The following RHOQ variants were observed in gnomAD, a reference collection of about 807,000 sequenced individuals.
The protein encoded by RHOQ is ras homolog family member Q, also known as rho-related GTP-binding protein RhoQ.
A neutral mutation model predicts 25.8 loss-of-function variants in RHOQ; 7 were observed. The ratio of observed to expected loss-of-function variants is 0.27; its 90% CI spans 0.15 to 0.51. The LOEUF is 0.51. Among genes scored for constraint, RHOQ ranks in the 20% least tolerant of loss-of-function variants. RHOQ has a pLI of 0.97. For missense variants in RHOQ, 165 were observed against 260.6 expected, an observed-to-expected ratio of 0.63 and a Z score of 2.53; for synonymous variants, 97 against 98.6, an observed-to-expected ratio of 0.98 and a Z score of 0.10.
chr2:46,575,399 TCACACACACACACACACACACACACACA>T (rs56002979), intron 2 of RHOQ, among the ~76,000 whole-genome samples: 1 of 138,228 alleles, frequency 7.2e-6, no homozygotes, highest in Non-Finnish European at 1.6e-5. Context: ...CTTTAAATCT[TCACACACACACACACACACACACACACA>T]CACACACACA....
chr2:46,543,857 G>A (rs373092471), intron 2 of RHOQ, 45 bp downstream of exon 2: 2 of 1,570,162 alleles, frequency 1.3e-6, no homozygotes, highest in Non-Finnish European at 1.7e-6. Flanking sequence ...CTGTTCCCCA[G>A]TTCTTTGTGG....
intron 2 of RHOQ, among the ~76,000 whole-genome samples, chr2:46,558,728 C>A (rs1484210817): frequency 1.3e-5 from 2 of 152,182 alleles, no homozygotes; most frequent in East Asian, 3.8e-4. Flanking sequence ...TCTTTTGTTA[C>A]CCTGGAACTT....
At chr2:46,546,474 G>A (rs7573601) in intron 2 of RHOQ, among the ~76,000 whole-genome samples, 1,333 of 16,712 alleles carry the variant, frequency 0.08, 155 homozygotes, top group Middle Eastern at 0.22. Flanking sequence ...ATATATATAT[G>A]TGTATATATA....
At chr2:46,572,105 G>GTTTTTT (rs1558691036) in intron 2 of RHOQ, among the ~76,000 whole-genome samples, 1 of 91,056 alleles carries the variant, frequency 1.1e-5, no homozygotes, top group African/African-American at 6.8e-5. Context: ...TGGTAAGTGT[G>GTTTTTT]TGTTTTTTTT....
At chr2:46,580,584 C>T (rs1669322614) in intron 4 of RHOQ, 1 of 172,422 alleles carries the variant, frequency 5.8e-6, no homozygotes, top group African/African-American at 2.4e-5. Flanking sequence ...TCTGTATTCC[C>T]TCCCCTGTGC....
chr2:46,556,498 T>G lies in RHOQ; in HGVS notation c.201+12686T>G, dbSNP rs995421719. On this transcript the variant is annotated intron_variant, in intron 2 of 4. Transcript: ENST00000238738. This position sits in a 1 kb window ranked among gnomAD's most constrained non-coding sequence, Gnocchi z 4.9. ...AAAAAATTTTTTTAATTTTTTTTTT[T>G]TTGTTCCTTTTAATGCTTGGGTCTG... 1.3e-4 allele frequency among the ~76,000 whole-genome samples: 20 copies of G among 152,164 alleles called. No homozygotes were observed. Among genetic ancestry groups the G allele is most frequent in the African/African-American group, 4.8e-4 (20 of 41,524 alleles).
chr2:46,556,047 G>A lies in RHOQ; in HGVS notation c.201+12235G>A, dbSNP rs1348345535. Among the ~76,000 whole-genome samples the A allele has an allele frequency of 6.6e-6, 1 of 151,890 alleles. No homozygotes were observed. The highest frequency in any genetic ancestry group is 2.4e-5 in the African/African-American group (1 of 41,344). On this transcript the variant is annotated intron_variant, in intron 2 of 4. Coordinates refer to ENST00000238738, the MANE Select transcript of RHOQ (RefSeq NM_012249.4). The surrounding 1 kb of genome is among the most constrained non-coding windows in gnomAD (Gnocchi z 4.9). Reference sequence around the variant, plus strand: ...CCCAGAACGAAACCCCATACCCACCGACAGTCACTCCCCACCATTCCTCCT... The same window carrying A: ...CCCAGAACGAAACCCCATACCCACCAACAGTCACTCCCCACCATTCCTCCT...
At chr2:46,562,010 T>G (rs1668593461) in intron 2 of RHOQ, among the ~76,000 whole-genome samples, 1 of 152,170 alleles carries the variant, frequency 6.6e-6, no homozygotes, top group Non-Finnish European at 1.5e-5. Flanking sequence ...CCAGTGGCTC[T>G]TTGAAGGGAG....
intron 2 of RHOQ, among the ~76,000 whole-genome samples, chr2:46,559,969 A>G (rs1465200429): frequency 6.6e-6 from 1 of 152,212 alleles, no homozygotes; most frequent in Non-Finnish European, 1.5e-5. Flanking sequence ...CGGGAAGCCT[A>G]GTTCTGCCCT....
chr2:46,562,366 C>G (rs1218203663), intron 2 of RHOQ, among the ~76,000 whole-genome samples: 1 of 152,120 alleles, frequency 6.6e-6, no homozygotes, highest in African/African-American at 2.4e-5. Flanking sequence ...AGAATAGATA[C>G]TTGAAACCAC....
At chr2:46,549,218 C>A (rs759317305) in intron 2 of RHOQ, among the ~76,000 whole-genome samples, 1 of 152,136 alleles carries the variant, frequency 6.6e-6, no homozygotes, top group Non-Finnish European at 1.5e-5. Context: ...GCTGAGATGC[C>A]AAGCTCTCAT....
intron 2 of RHOQ, chr2:46,560,571 A>T (rs942844741): frequency 1.1e-5 from 5 of 456,104 alleles, no homozygotes; most frequent in South Asian, 4.6e-5. Context: ...TTTCTGTTTC[A>T]TCTGGATCCT....
At chr2:46,550,781 A>G (rs1668216191) in intron 2 of RHOQ, among the ~76,000 whole-genome samples, 1 of 152,196 alleles carries the variant, frequency 6.6e-6, no homozygotes, top group South Asian at 2.1e-4. Context: ...CTTGGTGCTG[A>G]GAGTGCGGGC....
rs1667863090 is a variant in RHOQ at position 46,542,792 on chromosome 2, G to A, written c.-255G>A. On this transcript the variant is annotated 5_prime_UTR_variant, in exon 1 of 5. The change creates a new upstream start codon in the 5' untranslated region. Coordinates refer to ENST00000238738, the MANE Select transcript of RHOQ (RefSeq NM_012249.4). ...GCCGGGGAGAGGGCGCGGGCGCCGA[G>A]TGGCGGGGGCAGCGGGCGGGCGCGG... 6.8e-6 allele frequency: 1 copy of A among 146,934 alleles called. No homozygotes were observed. The allele number at this position is 146,934 out of a possible 1,614,324, so 9.1% of individuals were successfully genotyped here.
chr2:46,575,251 G>T (rs542113709), intron 2 of RHOQ, among the ~76,000 whole-genome samples: 2 of 152,276 alleles, frequency 1.3e-5, no homozygotes, highest in African/African-American at 4.8e-5. Flanking sequence ...TTTATGTACA[G>T]ATGTATGAAT....
rs563999182 is a variant in RHOQ, at chr2:46,578,529, C to T, written c.462+1873C>T. On this transcript the variant is annotated intron_variant, in intron 4 of 4. Transcript: ENST00000238738. ...GGTGGATCGTTTGAGCCCAGGAATT[C>T]GAGACCAGCCTGGGCAACATGGTGA... Among the ~76,000 whole-genome samples the T allele has an allele frequency of 1.2e-3, 142 of 122,018 alleles. 3 individuals carry two copies. Among genetic ancestry groups the T allele is most frequent in the South Asian group, 2.6e-4 (1 of 3,812 alleles). 80.0% of individuals were successfully genotyped at this position (122,018 alleles called of 152,430 possible).
At chr2:46,573,212 C>T (rs947969622) in intron 2 of RHOQ, among the ~76,000 whole-genome samples, 1 of 152,028 alleles carries the variant, frequency 6.6e-6, no homozygotes, top group African/African-American at 2.4e-5. Context: ...TACAGGTGTG[C>T]ACCACCACGG....
At position 46,564,488 on chromosome 2, in the gene RHOQ, G is replaced by A. The variant is rs59823825; in HGVS notation, c.202-11599G>A. Reference sequence around the variant, plus strand: ...ATGTCTGTGAGGGCATCCTGATTTCGCCTGCCGGGAAGCCATCCTCGTCCT... The same window carrying A: ...ATGTCTGTGAGGGCATCCTGATTTCACCTGCCGGGAAGCCATCCTCGTCCT... On this transcript the variant is annotated intron_variant, in intron 2 of 4. Coordinates refer to ENST00000238738, the MANE Select transcript of RHOQ (RefSeq NM_012249.4). Among the ~76,000 whole-genome samples the A allele has an allele frequency of 5.9e-5, 9 of 152,176 alleles. No individual in the cohort carries two copies. The East Asian group carries it at 1.2e-3, about 20-fold the overall frequency.
intron 2 of RHOQ, among the ~76,000 whole-genome samples, chr2:46,563,473 C>T (rs1281536604): frequency 6.6e-6 from 1 of 152,098 alleles, no homozygotes; most frequent in Non-Finnish European, 1.5e-5. Flanking sequence ...CGGGAAGAGC[C>T]CCCACGGGGA....
Sources: allele counts gnomAD v4.1 joint callset (sites outside exome capture counted in the v4.1 genomes callset), GRCh38; gene constraint gnomAD v4.1.1; non-coding constraint Gnocchi (gnomAD v3.1); transcripts MANE v1.5; gene names NCBI Gene and HGNC (gene_info 2026-07-23, HGNC 2026-07-21).